GPHN: variants seen among roughly 807,000 people sequenced by gnomAD.
GPHN encodes gephyrin.
GPHN carries 17 observed loss-of-function variants against 95.5 expected under a neutral mutation model. That is an observed-to-expected ratio of 0.18 (90% CI 0.12 to 0.27). The LOEUF is 0.27. Ranked by LOEUF, GPHN falls within the 10% of genes least tolerant of loss-of-function variation. GPHN has a pLI of 1.00. For missense variants in GPHN, 660 were observed against 978.1 expected (o/e 0.67, Z 4.34); for synonymous variants, 320 against 322.5 (o/e 0.99, Z 0.08).
At chr14:66,584,682 G>C (rs148553448) in intron 1 of GPHN, among the ~76,000 whole-genome samples, 2,036 of 152,172 alleles carry the variant, frequency 0.013, 24 homozygotes, top group Middle Eastern at 0.02. Context: ...TTATATGCTG[G>C]ATTACATTTA....
At chr14:66,515,622 G>C (rs1364468938) in intron 1 of GPHN, among the ~76,000 whole-genome samples, 7 of 152,174 alleles carry the variant, frequency 4.6e-5, no homozygotes, top group African/African-American at 1.7e-4. Context: ...AAATAACACT[G>C]TTAGGAGTCA....
intron 2 of GPHN, among the ~76,000 whole-genome samples, chr14:66,765,983 A>G (rs979870785): frequency 4.6e-5 from 7 of 152,198 alleles, no homozygotes; most frequent in Admixed American, 4.6e-4. Flanking sequence ...TAGAATACAT[A>G]AAACAATTGT....
At chr14:67,599,272 A>G in the GPHN span, among the ~76,000 whole-genome samples, 34,335 of 152,168 alleles carry the variant, frequency 0.23, 4,581 homozygotes, top group Non-Finnish European at 0.31. Context: ...AATTAGGATA[A>G]TTCTTTTTAT....
intron 4 of GPHN, among the ~76,000 whole-genome samples, chr14:66,868,590 C>T (rs922757410): frequency 5.3e-5 from 8 of 152,234 alleles, no homozygotes; most frequent in Middle Eastern, 6.8e-3. Context: ...GACAGGGTTT[C>T]ACCATGTTGG....
the GPHN span, among the ~76,000 whole-genome samples, chr14:67,280,515 C>A: frequency 6.6e-6 from 1 of 152,168 alleles, no homozygotes; most frequent in African/African-American, 2.4e-5. Context: ...GTTAACAGTA[C>A]TCTGTAATCT....
intron 9 of GPHN, among the ~76,000 whole-genome samples, chr14:66,983,714 CTG>C (rs1378093291): frequency 6.6e-6 from 1 of 152,052 alleles, no homozygotes; most frequent in Admixed American, 6.5e-5. Flanking sequence ...TTAGTGGTAA[CTG>C]TCTTTTTTTC....
chr14:66,680,874 A>T (rs1489692564), intron 1 of GPHN, among the ~76,000 whole-genome samples: 1 of 152,034 alleles, frequency 6.6e-6, no homozygotes, highest in Non-Finnish European at 1.5e-5. Flanking sequence ...TAATGTATTT[A>T]TATAGAGTTG....
intron 4 of GPHN, among the ~76,000 whole-genome samples, chr14:66,840,435 A>T (rs2062028150): frequency 6.6e-6 from 1 of 152,130 alleles, no homozygotes; most frequent in African/African-American, 2.4e-5. Context: ...TTTGCCTTCT[A>T]AATATAAAAT....
the GPHN span, chr14:67,386,166 CAAAA>C: frequency 1.3e-5 from 2 of 152,410 alleles, no homozygotes; most frequent in Non-Finnish European, 1.5e-5. Context: ...AAAGGCAAAA[CAAAA>C]AAACTAATTC....
the GPHN span, among the ~76,000 whole-genome samples, chr14:67,287,182 G>C: frequency 6.6e-6 from 1 of 151,988 alleles, no homozygotes; most frequent in South Asian, 2.1e-4. Flanking sequence ...TCACACCACC[G>C]AACTCTAGCC....
At position 66,508,461 on chromosome 14, in the gene GPHN, C is replaced by T; in HGVS notation, c.-67C>T. 6.8e-7 allele frequency: 1 copy of T among 1,475,666 alleles called. No homozygotes were observed. The allele number at this position is 1,475,666 out of a possible 1,614,324, so 91.4% of individuals were successfully genotyped here. ...CGCGCTCTCCTCGGCGAGCGCGCTC[C>T]CGGCCCGCGCGCTCCGGGCTCCGGT... is the stretch of plus-strand genomic sequence containing the variant. On this transcript the variant is annotated 5_prime_UTR_variant, in exon 1 of 23. Transcript: ENST00000478722.
At chr14:67,602,573 G>A in the GPHN span, among the ~76,000 whole-genome samples, 15,059 of 152,182 alleles carry the variant, frequency 0.099, 796 homozygotes, top group East Asian at 0.14. Context: ...TAATGTTTTG[G>A]GGAAGCCTGT....
the GPHN span, chr14:67,473,450 G>A: frequency 1.2e-6 from 2 of 1,614,014 alleles, no homozygotes; most frequent in Admixed American, 1.7e-5. The surrounding 1 kb of genome is among the most constrained non-coding windows in gnomAD (Gnocchi z 6.5). Flanking sequence ...CGTTGGCCAG[G>A]GCTAGGGCGC....
chr14:67,303,631 T>G, the GPHN span: 1 of 1,465,980 alleles, frequency 6.8e-7, no homozygotes, highest in East Asian at 2.3e-5. Flanking sequence ...ATTATTTATG[T>G]GTTTGTGGAT....
chr14:67,307,247 T>C, the GPHN span, among the ~76,000 whole-genome samples: 3 of 152,054 alleles, frequency 2.0e-5, no homozygotes, highest in Admixed American at 6.5e-5. Flanking sequence ...TCGGCCTTTT[T>C]AAAAAAAGGA....
intron 2 of GPHN, among the ~76,000 whole-genome samples, chr14:66,755,290 A>G (rs1414235733): frequency 2.0e-5 from 3 of 152,144 alleles, no homozygotes; most frequent in Non-Finnish European, 4.4e-5. Context: ...TTTGCTTAAT[A>G]TTAATCTATT....
the GPHN span, among the ~76,000 whole-genome samples, chr14:67,530,680 T>C: frequency 6.6e-6 from 1 of 152,208 alleles, no homozygotes; most frequent in Admixed American, 6.5e-5. Flanking sequence ...TAATCTTTTA[T>C]TGGTGAAATA....
the GPHN span, among the ~76,000 whole-genome samples, chr14:67,412,645 C>T: frequency 6.6e-6 from 1 of 152,082 alleles, no homozygotes; most frequent in Non-Finnish European, 1.5e-5. Context: ...GGATATACCC[C>T]GCTCCCTCAA....
intron 1 of GPHN, among the ~76,000 whole-genome samples, chr14:66,666,121 G>T (rs1226152809): frequency 6.7e-6 from 1 of 148,956 alleles, no homozygotes; most frequent in Admixed American, 6.7e-5. Flanking sequence ...GGAGGGGGGA[G>T]GGATAGCCTT....
Sources: allele counts gnomAD v4.1 joint callset (sites outside exome capture counted in the v4.1 genomes callset), GRCh38; gene constraint gnomAD v4.1.1; non-coding constraint Gnocchi (gnomAD v3.1); transcripts MANE v1.5; gene names NCBI Gene and HGNC (gene_info 2026-07-23, HGNC 2026-07-21).